Variants in EPHX2 observed in about 807,000 individuals in gnomAD.
EPHX2 encodes the protein bifunctional epoxide hydrolase 2.
EPHX2 carries 74 observed loss-of-function variants against 78.7 expected under a neutral mutation model. That is an observed-to-expected ratio of 0.94 (90% CI 0.78 to 1.14). The LOEUF (loss-of-function observed/expected upper bound fraction) is 1.14. Among genes scored for constraint, EPHX2 ranks in the 50% most tolerant of loss-of-function variants. The probability of loss-of-function intolerance (pLI) is 0.00; values close to 1 mark genes in which losing one functional copy is unlikely to be tolerated. For missense variants in EPHX2, 715 were observed against 702.5 expected (o/e 1.02, Z -0.20); for synonymous variants, 251 against 255.2 (o/e 0.98, Z 0.16).
intron 13 of EPHX2, among the ~76,000 whole-genome samples, chr8:27,537,624 T>C (rs1815254667): frequency 6.6e-6 from 1 of 152,232 alleles, no homozygotes; most frequent in African/African-American, 2.4e-5. Context: ...AAATAGTTTT[T>C]TTTAATTTGT....
At chr8:27,507,046 G>A in intron 5 of EPHX2, 52 bp downstream of exon 5, 3 of 1,594,528 alleles carry the variant, frequency 1.9e-6, no homozygotes, top group Non-Finnish European at 2.6e-6. Flanking sequence ...TGTGGTTTCT[G>A]GACTCAGGAG....
In EPHX2 at chr8:27,503,875, T is replaced by A. The variant is rs530604104; in HGVS notation, c.346+112T>A. 67 of 1,338,368 alleles carry A rather than the reference T, an allele frequency of 5.0e-5. No individual in the cohort carries two copies. In the African/African-American group the frequency reaches 8.9e-4, roughly 18 times the overall value. 82.9% of individuals were successfully genotyped at this position (1,338,368 alleles called of 1,614,324 possible). On this transcript the variant is annotated intron_variant, in intron 3 of 18. Transcript: ENST00000521400. ...AGATCACAGATCTTCTGAGCCACGA[T>A]GGAAAGCCTCTTTAAACATGGCCCC...
At position 27,525,408 on chromosome 8, in the gene EPHX2, A is replaced by G. The variant is rs72475894; in HGVS notation, c.1105A>G (p.Met369Val). 37 of 1,614,116 alleles carry G rather than the reference A, an allele frequency of 2.3e-5. No individual in the cohort carries two copies. In the African/African-American group the frequency reaches 3.3e-4, roughly 15 times the overall value. ...TCCCTTCATACCAGCAAATCCCAACATGTCCCCTTTGGAGAGTATCAAAGC... is the reference window on the plus strand; with the variant it reads ...TCCCTTCATACCAGCAAATCCCAACGTGTCCCCTTTGGAGAGTATCAAAGC... ...NTPFIPANPN[M>V]SPLESIKANP... The change falls in exon 12 of 19, where the codon ATG (methionine) becomes GTG (valine). Residue 369 changes from methionine (M) to valine (V), a missense_variant. Coordinates refer to ENST00000521400, the MANE Select transcript of EPHX2 (RefSeq NM_001979.6).
chr8:27,536,194 G>A (rs1297503256), intron 12 of EPHX2, among the ~76,000 whole-genome samples: 1 of 152,086 alleles, frequency 6.6e-6, no homozygotes, highest in African/African-American at 2.4e-5. Context: ...ACAATCTATT[G>A]GCAATCTAAT....
rs189089713 is a variant in EPHX2, at chr8:27,545,036, A to G, written c.*514A>G. Reference sequence around the variant, plus strand: ...CCTGTTCTGGGCTCCAAGGTGCTGTATGATCTAGGCCGTGCTGGCCAGGAG... The same window carrying G: ...CCTGTTCTGGGCTCCAAGGTGCTGTGTGATCTAGGCCGTGCTGGCCAGGAG... On this transcript the variant is annotated 3_prime_UTR_variant, in exon 19 of 19. Transcript: ENST00000521400. 4.4e-4 allele frequency: 72 copies of G among 164,840 alleles called. No individual in the cohort carries two copies. Among genetic ancestry groups the G allele is most frequent in the Non-Finnish European group, 4.9e-4 (37 of 75,380 alleles). The allele number at this position is 164,840 out of a possible 1,614,324, so 10.2% of individuals were successfully genotyped here. A position where few individuals can be genotyped will look rare whatever the true frequency, so the allele number is the denominator to read the frequency against.
chr8:27,546,016 G>A (rs72478912), downstream of EPHX2, among the ~76,000 whole-genome samples: 9 of 151,876 alleles, frequency 5.9e-5, no homozygotes, highest in African/African-American at 2.2e-4. Context: ...TGGGGGCAGA[G>A]CCTGGATTCA....
At chr8:27,517,123 A>G (rs1438650843) in intron 8 of EPHX2, among the ~76,000 whole-genome samples, 2 of 151,986 alleles carry the variant, frequency 1.3e-5, no homozygotes, top group Non-Finnish European at 2.9e-5. Flanking sequence ...TTTGCTGGAT[A>G]CATTTATCTT....
chr8:27,536,296 G>A (rs569969270), intron 12 of EPHX2, among the ~76,000 whole-genome samples: 1 of 152,284 alleles, frequency 6.6e-6, no homozygotes, highest in South Asian at 2.1e-4. Context: ...GTAAAGATGG[G>A]GTCTCGCTAG....
At chr8:27,541,103 C>T (rs2269461) in intron 15 of EPHX2, among the ~76,000 whole-genome samples, 17,294 of 152,174 alleles carry the variant, frequency 0.11, 1,057 homozygotes, top group East Asian at 0.19. Flanking sequence ...CTGGGGCAGG[C>T]GAGTGGCCTC....
intron 6 of EPHX2, among the ~76,000 whole-genome samples, chr8:27,513,202 C>T (rs971887365): frequency 2.0e-5 from 3 of 152,140 alleles, no homozygotes; most frequent in Non-Finnish European, 4.4e-5. Flanking sequence ...GGCATCCAGG[C>T]ACGAGTGGGT....
At chr8:27,516,702 T>G (rs532352672) in intron 8 of EPHX2, among the ~76,000 whole-genome samples, 13 of 152,306 alleles carry the variant, frequency 8.5e-5, no homozygotes, top group African/African-American at 2.6e-4. Flanking sequence ...ATTCTTCATC[T>G]TGCAAAACTG....
intron 12 of EPHX2, among the ~76,000 whole-genome samples, chr8:27,531,024 A>G (rs974076893): frequency 3.3e-5 from 5 of 152,146 alleles, no homozygotes; most frequent in Non-Finnish European, 5.9e-5. Flanking sequence ...CGGCCTCCCA[A>G]AGCGCTGGGA....
intron 12 of EPHX2, among the ~76,000 whole-genome samples, chr8:27,529,769 G>A (rs1814968800): frequency 6.6e-6 from 1 of 152,118 alleles, no homozygotes; most frequent in East Asian, 1.9e-4. Context: ...AAAAGAGCTG[G>A]GTGTGGTGGT....
At position 27,535,158 on chromosome 8, in the gene EPHX2, C is replaced by T. The variant is rs192889093; in HGVS notation, c.1171-1626C>T. ...TAGTCCCTCAGCAGCAGCTGTGTTA[C>T]AGAAATATTTTATTTTATTTTATTT... On this transcript the variant is annotated intron_variant, in intron 12 of 18. Transcript: ENST00000521400. Among the ~76,000 whole-genome samples the T allele has an allele frequency of 4.6e-3, 697 of 151,274 alleles. 9 individuals are homozygous for T. The highest frequency in any genetic ancestry group is 0.016 in the African/African-American group (663 of 40,928).
chr8:27,546,209 A>G (rs1300552143), downstream of EPHX2, among the ~76,000 whole-genome samples: 1 of 151,712 alleles, frequency 6.6e-6, no homozygotes, highest in Non-Finnish European at 1.5e-5. Context: ...TCAGCTGCAT[A>G]CTCGCCTTGT....
intron 5 of EPHX2, among the ~76,000 whole-genome samples, chr8:27,508,772 A>G (rs902156610): frequency 6.6e-6 from 1 of 151,888 alleles, no homozygotes. Context: ...GTGTGCGCGC[A>G]CGCACGTGTG....
chr8:27,512,798 T>C (rs1814301686), intron 6 of EPHX2, among the ~76,000 whole-genome samples: 1 of 152,202 alleles, frequency 6.6e-6, no homozygotes, highest in African/African-American at 2.4e-5. Flanking sequence ...GACAAGCATC[T>C]TATCCCGGTG....
downstream of EPHX2, among the ~76,000 whole-genome samples, chr8:27,547,410 A>G (rs1815592542): frequency 6.6e-6 from 1 of 152,212 alleles, no homozygotes; most frequent in Non-Finnish European, 1.5e-5. Context: ...TAATTATAAA[A>G]TGCTATATTT....
At chr8:27,538,139 C>T (rs1815271573) in intron 13 of EPHX2, among the ~76,000 whole-genome samples, 1 of 152,160 alleles carries the variant, frequency 6.6e-6, no homozygotes, top group South Asian at 2.1e-4. Context: ...CTATGAATTC[C>T]CAAGGGGGTG....
Sources: gnomAD v4.1 joint callset for allele counts (sites outside exome capture counted in the v4.1 genomes callset) on GRCh38, gnomAD v4.1.1 for gene constraint, MANE v1.5 for transcripts, NCBI Gene and HGNC (gene_info 2026-07-23, HGNC 2026-07-21) for gene names.